Variants in SPATA13 observed in about 807,000 individuals in gnomAD.
SPATA13 encodes the protein spermatogenesis-associated protein 13.
In SPATA13, 50 loss-of-function variants were observed where a neutral mutation model predicts 104.0. The ratio of observed to expected loss-of-function variants is 0.48; its 90% CI spans 0.38 to 0.61. SPATA13 has a LOEUF of 0.61. Ranked by LOEUF, SPATA13 falls within the 20% of genes least tolerant of loss-of-function variation. SPATA13 has a pLI of 0.00. For synonymous variants in SPATA13, 606 were observed against 667.5 expected (o/e 0.91, Z 1.42); for missense variants, 1,524 against 1,690.6 (o/e 0.90, Z 1.73).
chr13:24,114,384 C>CGTGTGCCTGCATGTGTGCACATGCGT (rs1566108231), intron 3 of SPATA13, among the ~76,000 whole-genome samples: 25 of 152,160 alleles, frequency 1.6e-4, no homozygotes, highest in African/African-American at 4.8e-4. Context: ...TGCACATGCG[C>CGTGTGCCTGCATGTGTGCACATGCGT]GTGTGTGTGC....
At chr13:24,107,509 A>G (rs1317364114) in intron 3 of SPATA13, among the ~76,000 whole-genome samples, 1 of 152,234 alleles carries the variant, frequency 6.6e-6, no homozygotes, top group East Asian at 1.9e-4. Flanking sequence ...AGAAGATATG[A>G]AAAGCAAATA....
chr13:24,052,171 A>G (rs1039652945), intron 3 of SPATA13, among the ~76,000 whole-genome samples: 1 of 152,178 alleles, frequency 6.6e-6, no homozygotes, highest in Non-Finnish European at 1.5e-5. Flanking sequence ...GTTCTCAAGA[A>G]TCGCAGGCCT....
At chr13:24,017,065 A>G (rs1566073666) in intron 2 of SPATA13, among the ~76,000 whole-genome samples, 2 of 149,440 alleles carry the variant, frequency 1.3e-5, no homozygotes, top group African/African-American at 5.1e-5. Flanking sequence ...TGACAGGGTC[A>G]GGGGGCAGAC....
Position 24,223,722 on chromosome 13 carries a change from T to TC in SPATA13, c.795dup (p.Phe266LeufsTer2). ...CAATCTTGCCTTTCTGAAGAAGAGC[T>TC]CCTTTAAGCGGAAGTCCACCTCCAA... is the stretch of plus-strand genomic sequence containing the variant. On this transcript the variant is annotated frameshift_variant, in exon 2 of 13. Coordinates refer to ENST00000382108, the MANE Select transcript of SPATA13 (RefSeq NM_001166271.3). LOFTEE classifies it high-confidence loss of function. 1 of 1,551,986 alleles carries TC rather than the reference T, an allele frequency of 6.4e-7. No individual in the cohort carries two copies. The highest frequency in any genetic ancestry group is 8.7e-7 in the Non-Finnish European group (1 of 1,147,060).
At chr13:24,199,260 A>G (rs537017412) in intron 1 of SPATA13, among the ~76,000 whole-genome samples, 21 of 152,232 alleles carry the variant, frequency 1.4e-4, no homozygotes, top group African/African-American at 5.1e-4. Flanking sequence ...GCTGCAATCC[A>G]TGTTTGCCAG....
chr13:24,052,577 C>T (rs949561641), intron 3 of SPATA13, among the ~76,000 whole-genome samples: 1 of 151,472 alleles, frequency 6.6e-6, no homozygotes, highest in African/African-American at 2.4e-5. Context: ...CCTCTCCTCA[C>T]CCTCCCGTTT....
chr13:24,242,493 T>C (rs1245221870), intron 2 of SPATA13, among the ~76,000 whole-genome samples: 2 of 152,240 alleles, frequency 1.3e-5, no homozygotes, highest in African/African-American at 2.4e-5. Flanking sequence ...GGAGGGGTCA[T>C]GTCTAGTGCT....
At chr13:24,037,795 T>C (rs1877757547) in intron 3 of SPATA13, among the ~76,000 whole-genome samples, 1 of 152,132 alleles carries the variant, frequency 6.6e-6, no homozygotes, top group Non-Finnish European at 1.5e-5. Context: ...ATTAGCTTAT[T>C]GGGGGCCCAT....
At chr13:24,186,147 G>A (rs1243819959) in intron 1 of SPATA13, among the ~76,000 whole-genome samples, 2 of 152,156 alleles carry the variant, frequency 1.3e-5, no homozygotes, top group African/African-American at 2.4e-5. Context: ...TCCTAGCCAC[G>A]CTGACACATA....
chr13:24,022,944 T>A (rs555381441), intron 3 of SPATA13, among the ~76,000 whole-genome samples: 43 of 152,156 alleles, frequency 2.8e-4, no homozygotes, highest in South Asian at 1.9e-3. Context: ...CTTCTTTTTT[T>A]TTATTATTAT....
chr13:24,190,866 CT>C (rs1243317033), intron 1 of SPATA13, among the ~76,000 whole-genome samples: 5 of 152,134 alleles, frequency 3.3e-5, no homozygotes, highest in African/African-American at 7.2e-5. Flanking sequence ...TTTGAAGGTT[CT>C]GCTGTGGGTA....
rs915448416 is a variant in SPATA13, at chr13:24,122,844, T to C, written c.-111-99975T>C. ...GTGCACTAAAGAGAAGATCTCCTCA[T>C]AGAATTCTAAGACATGCTGTTGTAA... On this transcript the variant is annotated intron_variant, in intron 3 of 14. Transcript: ENST00000424834. 111 of 773,372 alleles carry C rather than the reference T, an allele frequency of 1.4e-4. 1 individual carries two copies. The Admixed American group carries it at 1.7e-3, about 12-fold the overall frequency. The allele number at this position is 773,372 out of a possible 1,614,324, so 47.9% of individuals were successfully genotyped here. A position where few individuals can be genotyped will look rare whatever the true frequency, so the allele number is the denominator to read the frequency against.
intron 2 of SPATA13, among the ~76,000 whole-genome samples, chr13:24,001,110 C>T (rs1017850827): frequency 2.0e-5 from 3 of 152,110 alleles, no homozygotes; most frequent in Non-Finnish European, 2.9e-5. Context: ...CCAGGCTGGC[C>T]GAGTGGCCTC....
chr13:24,180,853 C>T (rs1868757239), intron 1 of SPATA13, among the ~76,000 whole-genome samples: 1 of 151,992 alleles, frequency 6.6e-6, no homozygotes, highest in Admixed American at 6.6e-5. Flanking sequence ...GGGATACGTT[C>T]TGATAAATGC....
chr13:24,282,292 A>T (rs1029665850), intron 4 of SPATA13, among the ~76,000 whole-genome samples: 7 of 152,178 alleles, frequency 4.6e-5, no homozygotes, highest in African/African-American at 1.7e-4. Flanking sequence ...TCTCCCCAAG[A>T]AAGAACTCTT....
intron 2 of SPATA13, among the ~76,000 whole-genome samples, chr13:24,000,195 T>A (rs2137671262): frequency 1.3e-5 from 2 of 152,316 alleles, no homozygotes; most frequent in East Asian, 3.9e-4. Context: ...AAGGACATTG[T>A]GCCCTGAAAG....
chr13:24,026,303 G>A (rs1033702223), intron 3 of SPATA13, among the ~76,000 whole-genome samples: 10 of 152,256 alleles, frequency 6.6e-5, no homozygotes, highest in Admixed American at 3.3e-4. Context: ...GTTTTCTGCT[G>A]ATTTTGGAGT....
In SPATA13 at chr13:24,286,180, T is replaced by C. The variant is rs201340004; in HGVS notation, c.2302-34T>C. ...CCCTCACCATCCCGCCCACTCGTGC[T>C]CTATGCTGAGCGCACCCCACTGTCT... On this transcript the variant is annotated intron_variant, in intron 5 of 12. Transcript: ENST00000382108. This position sits in a 1 kb window ranked among gnomAD's most constrained non-coding sequence, Gnocchi z 4.9. 18 of 1,573,166 alleles carry C rather than the reference T, an allele frequency of 1.1e-5. No homozygotes were observed. Among genetic ancestry groups the C allele is most frequent in the Non-Finnish European group, 2.6e-6 (3 of 1,156,574 alleles).
chr13:24,101,819 T>A (rs1880265724), intron 3 of SPATA13, among the ~76,000 whole-genome samples: 2 of 152,328 alleles, frequency 1.3e-5, no homozygotes, highest in South Asian at 2.1e-4. Flanking sequence ...ATTGTCTTCT[T>A]TCTTAGGGCA....
Sources: gnomAD v4.1 joint callset for allele counts (sites outside exome capture counted in the v4.1 genomes callset) on GRCh38, gnomAD v4.1.1 for gene constraint, Gnocchi (gnomAD v3.1) non-coding constraint, MANE v1.5 for transcripts, NCBI Gene and HGNC (gene_info 2026-07-23, HGNC 2026-07-21) for gene names.